GRID2: variants seen among roughly 807,000 people sequenced by gnomAD.
The protein encoded by GRID2 is glutamate ionotropic receptor delta type subunit 2.
A neutral mutation model predicts 114.8 loss-of-function variants in GRID2; 33 were observed. That is an observed-to-expected ratio of 0.29 (90% CI 0.22 to 0.38). The LOEUF is 0.38. Among genes scored for constraint, GRID2 ranks in the 10% least tolerant of loss-of-function variants. The probability of loss-of-function intolerance (pLI) is 1.00; values close to 1 mark genes in which losing one functional copy is unlikely to be tolerated. For missense variants in GRID2, 1,184 were observed against 1,257.7 expected (o/e 0.94, Z 0.89); for synonymous variants, 505 against 449.9 (o/e 1.12, Z -1.55).
At chr4:92,896,822 C>A (rs1747198801) in intron 2 of GRID2, among the ~76,000 whole-genome samples, 1 of 152,054 alleles carries the variant, frequency 6.6e-6, no homozygotes, top group African/African-American at 2.4e-5. Flanking sequence ...TGCTCACTGA[C>A]ACCTCTGCCT....
At chr4:92,647,086 T>C (rs1190820684) in intron 2 of GRID2, among the ~76,000 whole-genome samples, 1 of 152,202 alleles carries the variant, frequency 6.6e-6, no homozygotes, top group African/African-American at 2.4e-5. Context: ...AGGCAATGTT[T>C]CCCAATATGT....
intron 2 of GRID2, among the ~76,000 whole-genome samples, chr4:92,662,924 C>T (rs972872648): frequency 2.0e-5 from 3 of 150,986 alleles, no homozygotes; most frequent in African/African-American, 7.3e-5. Flanking sequence ...AAACTGTCCT[C>T]TAATTGTGAA....
intron 8 of GRID2, among the ~76,000 whole-genome samples, chr4:93,269,331 C>T (rs1412895303): frequency 6.6e-6 from 1 of 152,142 alleles, no homozygotes. Context: ...TTTTATTTTA[C>T]AGAAAATCAC....
At chr4:93,465,253 A>G (rs954011439) in intron 11 of GRID2, among the ~76,000 whole-genome samples, 1 of 152,232 alleles carries the variant, frequency 6.6e-6, no homozygotes, top group Admixed American at 6.5e-5. Context: ...AACACAGACC[A>G]TGAGCCAATT....
At chr4:92,446,149 G>A (rs1158234375) in intron 1 of GRID2, among the ~76,000 whole-genome samples, 3 of 152,112 alleles carry the variant, frequency 2.0e-5, no homozygotes, top group Non-Finnish European at 4.4e-5. Context: ...GTTTCACTAT[G>A]TTGGCCAGGA....
intron 14 of GRID2, among the ~76,000 whole-genome samples, chr4:93,726,115 T>C (rs912623941): frequency 2.0e-5 from 3 of 152,234 alleles, no homozygotes; most frequent in African/African-American, 7.2e-5. Flanking sequence ...TTTATGGTTT[T>C]AGGTCTAACA....
chr4:92,580,490 A>G (rs902387991), intron 1 of GRID2, among the ~76,000 whole-genome samples: 3 of 151,964 alleles, frequency 2.0e-5, no homozygotes, highest in Admixed American at 6.6e-5. Context: ...AAAATGCTCA[A>G]TTACAAGAAA....
chr4:93,399,500 C>A (rs1446331462), intron 9 of GRID2, among the ~76,000 whole-genome samples: 1 of 151,906 alleles, frequency 6.6e-6, no homozygotes, highest in Non-Finnish European at 1.5e-5. Flanking sequence ...GTATTATTGA[C>A]GAAGATGTAA....
At chr4:92,531,087 T>G (rs2149150757) in intron 1 of GRID2, among the ~76,000 whole-genome samples, 1 of 152,248 alleles carries the variant, frequency 6.6e-6, no homozygotes, top group Middle Eastern at 3.4e-3. Context: ...GGATTTTATT[T>G]AAAATCAAAC....
intron 2 of GRID2, among the ~76,000 whole-genome samples, chr4:93,022,605 T>C (rs1723484085): frequency 6.6e-6 from 1 of 152,036 alleles, no homozygotes; most frequent in African/African-American, 2.4e-5. Flanking sequence ...AATTATCCTC[T>C]AAAACTTTTA....
At chr4:93,163,060 T>TA in intron 4 of GRID2, among the ~76,000 whole-genome samples, 1 of 151,998 alleles carries the variant, frequency 6.6e-6, no homozygotes, top group South Asian at 2.1e-4. Context: ...TCCTCTTTTT[T>TA]AAAAAATCAA....
At chr4:93,780,169 C>G (rs529656707) in intron 1 of GRID2, among the ~76,000 whole-genome samples, 1 of 152,256 alleles carries the variant, frequency 6.6e-6, no homozygotes, top group Non-Finnish European at 1.5e-5. Context: ...AAGGCCAGAG[C>G]AGAAGTGGGG....
intron 8 of GRID2, among the ~76,000 whole-genome samples, chr4:93,273,628 T>C (rs1751742461): frequency 6.6e-6 from 1 of 151,856 alleles, no homozygotes; most frequent in Non-Finnish European, 1.5e-5. Flanking sequence ...AAGGCCAGAG[T>C]GATAACATGG....
intron 2 of GRID2, among the ~76,000 whole-genome samples, chr4:93,034,872 A>G (rs1043421652): frequency 1.3e-5 from 2 of 152,166 alleles, no homozygotes; most frequent in East Asian, 1.9e-4. Context: ...TTCTTCCTCC[A>G]TGAATACATG....
At chr4:93,441,296 T>C (rs947592439) in intron 10 of GRID2, among the ~76,000 whole-genome samples, 18 of 152,088 alleles carry the variant, frequency 1.2e-4, no homozygotes, top group African/African-American at 4.1e-4. Context: ...AAATTCTCTA[T>C]GTTCTATGGG....
intron 2 of GRID2, among the ~76,000 whole-genome samples, chr4:92,806,782 G>T (rs1455717679): frequency 6.6e-6 from 1 of 151,754 alleles, no homozygotes; most frequent in East Asian, 1.9e-4. Context: ...TTTGTAATTT[G>T]CAGATAAGAA....
At chr4:92,484,825 C>T (rs1722787464) in intron 1 of GRID2, among the ~76,000 whole-genome samples, 1 of 151,780 alleles carries the variant, frequency 6.6e-6, no homozygotes, top group African/African-American at 2.4e-5. Flanking sequence ...TCATATCTAC[C>T]ACTTTTTAGC....
At chr4:93,344,049 G>A (rs1490365394) in intron 8 of GRID2, among the ~76,000 whole-genome samples, 1 of 152,000 alleles carries the variant, frequency 6.6e-6, no homozygotes, top group African/African-American at 2.4e-5. Context: ...TTCAAATGAA[G>A]ACCTTTCCAA....
At position 92,784,782 on chromosome 4, in the gene GRID2, A is replaced by G. The variant is rs138470982; in HGVS notation, c.244+194496A>G. ...CAAATACAGTGAAAAATAGCAAACC[A>G]GGTGCCAAATATGATCCATGTGAAA... On this transcript the variant is annotated intron_variant, in intron 2 of 15. Transcript: ENST00000282020. Among the ~76,000 whole-genome samples, 8 of 152,048 alleles carry G rather than the reference A, an allele frequency of 5.3e-5. No homozygotes were observed. In the East Asian group the frequency reaches 1.6e-3, roughly 29 times the overall value.
Sources: allele counts gnomAD v4.1 joint callset (sites outside exome capture counted in the v4.1 genomes callset), GRCh38; gene constraint gnomAD v4.1.1; transcripts MANE v1.5; gene names NCBI Gene and HGNC (gene_info 2026-07-23, HGNC 2026-07-21).